The following JPH1 variants were observed in gnomAD, a reference collection of about 807,000 sequenced individuals.
The protein encoded by JPH1 is junctophilin-1.
A neutral mutation model predicts 53.6 loss-of-function variants in JPH1; 12 were observed. The ratio of observed to expected loss-of-function variants is 0.22; its 90% CI spans 0.14 to 0.36. JPH1 has a LOEUF of 0.36. Among genes scored for constraint, JPH1 ranks in the 10% least tolerant of loss-of-function variants. The pLI is 1.00. For missense variants in JPH1, 808 were observed against 905.5 expected, an observed-to-expected ratio of 0.89 and a Z score of 1.38; for synonymous variants, 375 against 363.8, an observed-to-expected ratio of 1.03 and a Z score of -0.35.
At chr8:74,279,679 A>G (rs910432795) in intron 2 of JPH1, among the ~76,000 whole-genome samples, 6 of 152,220 alleles carry the variant, frequency 3.9e-5, no homozygotes, top group African/African-American at 1.2e-4. Context: ...TTCTTATACA[A>G]AAATCTAACA....
intron 2 of JPH1, among the ~76,000 whole-genome samples, chr8:74,259,819 T>TC (rs1361950261): frequency 6.6e-6 from 1 of 151,892 alleles, no homozygotes; most frequent in Non-Finnish European, 1.5e-5. Flanking sequence ...TTGGCATTCC[T>TC]CCCCCCCACC....
At chr8:74,286,014 A>C (rs2131425444) in intron 2 of JPH1, among the ~76,000 whole-genome samples, 1 of 152,340 alleles carries the variant, frequency 6.6e-6, no homozygotes, top group South Asian at 2.1e-4. Context: ...AAAATACGGA[A>C]AGTTAAATGT....
intron 5 of JPH1, 78 bp downstream of exon 5, chr8:74,237,130 A>T (rs1297166648): frequency 1.1e-6 from 1 of 913,560 alleles, no homozygotes; most frequent in Non-Finnish European, 1.7e-6. Context: ...CGTCATTGTT[A>T]AAAAAAATAG....
intron 2 of JPH1, among the ~76,000 whole-genome samples, chr8:74,289,738 C>T (rs761684986): frequency 1.3e-5 from 2 of 152,170 alleles, no homozygotes; most frequent in Non-Finnish European, 2.9e-5. Flanking sequence ...TTTTGAGATA[C>T]GTCCCATCAA....
At chr8:74,245,451 G>A (rs533368767) in intron 3 of JPH1, among the ~76,000 whole-genome samples, 18 of 152,246 alleles carry the variant, frequency 1.2e-4, no homozygotes, top group East Asian at 5.8e-4. Context: ...AACATTGGTC[G>A]CAATATCATA....
At chr8:74,263,648 A>C (rs1006087284) in intron 2 of JPH1, among the ~76,000 whole-genome samples, 1 of 152,102 alleles carries the variant, frequency 6.6e-6, no homozygotes, top group Non-Finnish European at 1.5e-5. Context: ...GCCATTTCAC[A>C]TGCTCTGGTT....
chr8:74,260,944 T>C (rs929480233), intron 2 of JPH1, among the ~76,000 whole-genome samples: 30 of 152,202 alleles, frequency 2.0e-4, no homozygotes, highest in African/African-American at 7.2e-4. Context: ...GAACGCTACA[T>C]TGGCACATAC....
At chr8:74,290,931 C>T (rs1235647554) in intron 2 of JPH1, among the ~76,000 whole-genome samples, 1 of 152,130 alleles carries the variant, frequency 6.6e-6, no homozygotes, top group Non-Finnish European at 1.5e-5. Context: ...TAGGCATATG[C>T]AGAAAGCTGA....
At position 74,245,113 on chromosome 8, in the gene JPH1, T is replaced by C; in HGVS notation, c.1321A>G (p.Lys441Glu). 1 of 1,613,366 alleles carries C rather than the reference T, an allele frequency of 6.2e-7. No homozygotes were observed. Among genetic ancestry groups the C allele is most frequent in the Non-Finnish European group, 8.5e-7 (1 of 1,179,900 alleles). ...GGTGTAGGTGGCTTTTCTGGTACCTTTTCTTCTGGATTTTCTTTAGCATCT... is the reference window on the plus strand; with the variant it reads ...GGTGTAGGTGGCTTTTCTGGTACCTCTTCTTCTGGATTTTCTTTAGCATCT... ...GVDAKENPEE[K>E]VPEKPPTPKE... The change falls in exon 4 of 6, where the codon AAG (lysine) becomes GAG (glutamate). Residue 441 changes from lysine to glutamate, a missense_variant. By Grantham distance (56) the Lys-to-Glu change is moderately conservative. Around this residue, in one of 2 missense-constraint regions of JPH1, gnomAD observed 756 missense variants for 811.9 expected, o/e 0.93. Coordinates refer to ENST00000342232, the MANE Select transcript of JPH1 (RefSeq NM_020647.4).
At chr8:74,277,669 T>C (rs1023881755) in intron 2 of JPH1, among the ~76,000 whole-genome samples, 2 of 152,186 alleles carry the variant, frequency 1.3e-5, no homozygotes, top group Non-Finnish European at 2.9e-5. Context: ...GAGTTTCTTA[T>C]CTGTGAAACG....
At chr8:74,312,968 T>G (rs1563423221) in intron 2 of JPH1, among the ~76,000 whole-genome samples, 1 of 152,156 alleles carries the variant, frequency 6.6e-6, no homozygotes, top group African/African-American at 2.4e-5. Flanking sequence ...CCCAAAAGAC[T>G]TGCAACAGAG....
At chr8:74,238,443 T>C (rs1805605750) in intron 4 of JPH1, among the ~76,000 whole-genome samples, 1 of 152,192 alleles carries the variant, frequency 6.6e-6, no homozygotes, top group Non-Finnish European at 1.5e-5. Flanking sequence ...AGTGCCCTGC[T>C]CTTTCTCTAT....
chr8:74,268,715 A>G (rs1299726839), intron 2 of JPH1, among the ~76,000 whole-genome samples: 2 of 152,176 alleles, frequency 1.3e-5, no homozygotes, highest in Non-Finnish European at 2.9e-5. Flanking sequence ...TTTTGTTCAC[A>G]TATCAGTGTT....
chr8:74,290,598 A>AT (rs1807295722), intron 2 of JPH1, among the ~76,000 whole-genome samples: 1 of 152,200 alleles, frequency 6.6e-6, no homozygotes, highest in Admixed American at 6.5e-5. Context: ...TCAAGCTACC[A>AT]ATGACTTTCT....
In JPH1 at chr8:74,258,022, A is replaced by G. The variant is rs199728180; in HGVS notation, c.1258+1363T>C. Among the ~76,000 whole-genome samples the G allele has an allele frequency of 8.5e-5, 13 of 152,292 alleles. No homozygotes were observed. The East Asian group carries it at 2.5e-3, about 29-fold the overall frequency. ...CATTGCTCCATCCTTGATTATAGCC[A>G]AGTTTCTAGCTTTTCTACAAATCTT... On this transcript the variant is annotated intron_variant, in intron 3 of 5. Transcript: ENST00000342232.
intron 2 of JPH1, among the ~76,000 whole-genome samples, chr8:74,302,701 G>A (rs550745466): frequency 4.3e-4 from 65 of 152,272 alleles, no homozygotes; most frequent in African/African-American, 1.4e-3. Flanking sequence ...AGCTCACCCA[G>A]GATGGGTCAT....
chr8:74,306,221 TA>T (rs1807828984), intron 2 of JPH1, among the ~76,000 whole-genome samples: 1 of 152,148 alleles, frequency 6.6e-6, no homozygotes, highest in South Asian at 2.1e-4. Context: ...CATCCAAGCC[TA>T]ACCCCTCGCT....
intron 2 of JPH1, among the ~76,000 whole-genome samples, chr8:74,309,742 G>A (rs1268088205): frequency 6.6e-6 from 1 of 152,206 alleles, no homozygotes; most frequent in Non-Finnish European, 1.5e-5. Flanking sequence ...AAAGCTAAGG[G>A]AATGAAAACT....
At chr8:74,271,096 T>A (rs1028530690) in intron 2 of JPH1, among the ~76,000 whole-genome samples, 1 of 152,144 alleles carries the variant, frequency 6.6e-6, no homozygotes, top group African/African-American at 2.4e-5. Flanking sequence ...AACGGGAATG[T>A]TGCACATCCC....
Sources: allele counts gnomAD v4.1 joint callset (sites outside exome capture counted in the v4.1 genomes callset), GRCh38; gene constraint gnomAD v4.1.1; regional missense constraint gnomAD v4.1.1; transcripts MANE v1.5; gene names NCBI Gene and HGNC (gene_info 2026-07-23, HGNC 2026-07-21).